Variants in GALNTL6 observed in about 807,000 individuals in gnomAD.
GALNTL6 encodes polypeptide N-acetylgalactosaminyltransferase like 6.
Under a neutral mutation model 73.7 loss-of-function variants are expected in GALNTL6, and 46 were observed. That is an observed-to-expected ratio of 0.62 (90% CI 0.49 to 0.80). The LOEUF is 0.80. Among genes scored for constraint, GALNTL6 ranks in the 30% least tolerant of loss-of-function variants. The pLI is 0.00. For synonymous variants in GALNTL6, 259 were observed against 263.7 expected, an observed-to-expected ratio of 0.98 and a Z score of 0.17; for missense variants, 604 against 755.0, an observed-to-expected ratio of 0.80 and a Z score of 2.34.
intron 5 of GALNTL6, among the ~76,000 whole-genome samples, chr4:172,706,440 A>G (rs1436318951): frequency 6.6e-6 from 1 of 152,044 alleles, no homozygotes; most frequent in African/African-American, 2.4e-5. Flanking sequence ...TAAACATCTT[A>G]TTAGGGTCAG....
chr4:172,780,048 G>A (rs867367274), intron 5 of GALNTL6, among the ~76,000 whole-genome samples: 12 of 151,540 alleles, frequency 7.9e-5, no homozygotes, highest in Non-Finnish European at 1.5e-4. Context: ...CCTTAGGACA[G>A]CATGAGCCAT....
intron 5 of GALNTL6, among the ~76,000 whole-genome samples, chr4:172,387,802 A>G (rs1397637167): frequency 6.6e-6 from 1 of 152,130 alleles, no homozygotes; most frequent in Non-Finnish European, 1.5e-5. Context: ...ATAAACTAAA[A>G]TGTTCTTCCT....
chr4:172,545,154 A>G (rs1252269644), intron 5 of GALNTL6, among the ~76,000 whole-genome samples: 1 of 152,192 alleles, frequency 6.6e-6, no homozygotes, highest in African/African-American at 2.4e-5. Flanking sequence ...GTTCTAAGAA[A>G]TAAGTATTTA....
At chr4:172,265,844 A>T (rs1579314420) in intron 3 of GALNTL6, among the ~76,000 whole-genome samples, 1 of 152,040 alleles carries the variant, frequency 6.6e-6, no homozygotes, top group African/African-American at 2.4e-5. Flanking sequence ...CGATAAGAGG[A>T]TATTAGAGTA....
intron 8 of GALNTL6, among the ~76,000 whole-genome samples, chr4:172,930,240 T>C (rs1182991549): frequency 1.3e-5 from 2 of 151,634 alleles, no homozygotes; most frequent in African/African-American, 4.8e-5. Flanking sequence ...ATCACACCAT[T>C]GCACTCCAAC....
intron 2 of GALNTL6, among the ~76,000 whole-genome samples, chr4:171,839,087 T>G (rs1735177572): frequency 1.3e-5 from 2 of 152,020 alleles, no homozygotes; most frequent in African/African-American, 4.8e-5. Context: ...TATGTAGTAG[T>G]TCAGATAACA....
intron 5 of GALNTL6, among the ~76,000 whole-genome samples, chr4:172,549,614 T>C (rs1246997308): frequency 1.3e-5 from 2 of 152,000 alleles, no homozygotes; most frequent in East Asian, 1.9e-4. Flanking sequence ...AAAAAAAAAA[T>C]AACAAAATGT....
chr4:172,963,398 A>G (rs72708739), intron 10 of GALNTL6, among the ~76,000 whole-genome samples: 4,740 of 152,268 alleles, frequency 0.031, 105 homozygotes, highest in Non-Finnish European at 0.047. Flanking sequence ...ATCCATCACT[A>G]TATAACAAGC....
intron 5 of GALNTL6, among the ~76,000 whole-genome samples, chr4:172,762,773 C>A (rs1195432544): frequency 1.5e-5 from 1 of 66,668 alleles, no homozygotes; most frequent in African/African-American, 6.2e-5. Context: ...ATCCAAACAG[C>A]AGATTCACTC....
intron 5 of GALNTL6, among the ~76,000 whole-genome samples, chr4:172,774,731 C>CGGTG (rs1738974486): frequency 6.6e-6 from 1 of 151,906 alleles, no homozygotes; most frequent in Admixed American, 6.6e-5. Context: ...AGGCCAAGGC[C>CGGTG]GGTGGATTGT....
At chr4:171,950,861 G>A (rs913160080) in intron 2 of GALNTL6, among the ~76,000 whole-genome samples, 8 of 151,912 alleles carry the variant, frequency 5.3e-5, no homozygotes, top group South Asian at 2.1e-4. Flanking sequence ...TTTCTAAGAC[G>A]CACATTAAAT....
chr4:172,869,849 A>G (rs1401179746), intron 7 of GALNTL6, among the ~76,000 whole-genome samples: 2 of 152,094 alleles, frequency 1.3e-5, no homozygotes, highest in Non-Finnish European at 2.9e-5. Flanking sequence ...GCATAAACTA[A>G]TCAATACATT....
chr4:172,747,469 A>G (rs1228302996), intron 5 of GALNTL6, among the ~76,000 whole-genome samples: 1 of 152,174 alleles, frequency 6.6e-6, no homozygotes, highest in Admixed American at 6.5e-5. Context: ...ATAAGAAGAT[A>G]TCACCTCACA....
chr4:172,754,187 A>T (rs994974264), intron 5 of GALNTL6, among the ~76,000 whole-genome samples: 1 of 152,232 alleles, frequency 6.6e-6, no homozygotes. Context: ...ACTGACAGTC[A>T]TTATCAATAA....
At chr4:172,657,838 C>T (rs542692962) in intron 5 of GALNTL6, among the ~76,000 whole-genome samples, 6 of 152,192 alleles carry the variant, frequency 3.9e-5, no homozygotes, top group Non-Finnish European at 2.9e-5. Flanking sequence ...AACCAGTCAA[C>T]GGTCGGCACA....
intron 2 of GALNTL6, among the ~76,000 whole-genome samples, chr4:171,903,386 G>A (rs994492824): frequency 2.6e-5 from 4 of 152,020 alleles, no homozygotes; most frequent in South Asian, 2.1e-4. Flanking sequence ...GGTGATGGAC[G>A]GCACCTGGAA....
intron 7 of GALNTL6, among the ~76,000 whole-genome samples, chr4:172,860,671 A>ATAT (rs1403071644): frequency 2.9e-4 from 44 of 152,324 alleles, no homozygotes; most frequent in African/African-American, 1.0e-3. Context: ...TAATGCTTAT[A>ATAT]AGTGAAGTAA....
At chr4:172,010,289 A>G (rs1244632493) in intron 2 of GALNTL6, among the ~76,000 whole-genome samples, 1 of 149,046 alleles carries the variant, frequency 6.7e-6, no homozygotes, top group African/African-American at 2.5e-5. Context: ...ATTTTCTAAG[A>G]AAAGTGTTCA....
chr4:172,826,012 C>T (rs1007815598), intron 7 of GALNTL6, among the ~76,000 whole-genome samples: 2 of 152,120 alleles, frequency 1.3e-5, no homozygotes, highest in African/African-American at 4.8e-5. Context: ...AGGTTTGAAA[C>T]ATACAGTTAC....
Sources: gnomAD v4.1 joint callset for allele counts (sites outside exome capture counted in the v4.1 genomes callset) on GRCh38, gnomAD v4.1.1 for gene constraint, MANE v1.5 for transcripts, NCBI Gene and HGNC (gene_info 2026-07-23, HGNC 2026-07-21) for gene names.